Variants in CAMKK1 observed in about 807,000 individuals in gnomAD.
CAMKK1 encodes the protein calcium/calmodulin dependent protein kinase kinase 1.
In CAMKK1, 20 loss-of-function variants were observed where a neutral mutation model predicts 63.5. The observed-to-expected ratio is 0.32, with a 90% CI of 0.22 to 0.46. The LOEUF is 0.46. Among genes scored for constraint, CAMKK1 ranks in the 20% least tolerant of loss-of-function variants. CAMKK1 has a pLI of 1.00. For synonymous variants in CAMKK1, 253 were observed against 269.0 expected (o/e 0.94, Z 0.58); for missense variants, 588 against 658.1 (o/e 0.89, Z 1.17).
At chr17:3,871,333 G>GGTTTTTGTTTTTTGT (rs1567617833) in intron 12 of CAMKK1, among the ~76,000 whole-genome samples, 3 of 111,006 alleles carry the variant, frequency 2.7e-5, no homozygotes, top group African/African-American at 9.6e-5. Flanking sequence ...GTTGTTTTTT[G>GGTTTTTGTTTTTTGT]TTTTTTTTTT....
intron 12 of CAMKK1, among the ~76,000 whole-genome samples, chr17:3,871,926 G>A (rs570078003): frequency 4.6e-5 from 7 of 152,176 alleles, no homozygotes; most frequent in African/African-American, 7.2e-5. Context: ...GATTACAGGC[G>A]TGAGCCACCG....
rs772450544 is a variant in CAMKK1 at position 3,890,842 on chromosome 17, C to G, written c.-44+2097G>C. The G allele has an allele frequency of 6.5e-6, 5 of 766,470 alleles. No individual in the cohort carries two copies. The highest frequency in any genetic ancestry group is 5.3e-5 in the Admixed American group (3 of 57,106). The allele number at this position is 766,470 out of a possible 1,614,324, so 47.5% of individuals were successfully genotyped here. The stretch of plus-strand genomic sequence containing the variant: ...CAGACATCGCCTCTTCTGAGCCCTC[C>G]TTGATCTCCCCACTACCTGCTGGGT... On this transcript the variant is annotated intron_variant, in intron 1 of 15. Transcript: ENST00000348335. The surrounding 1 kb of genome is among the most constrained non-coding windows in gnomAD (Gnocchi z 6.5).
chr17:3,870,509 G>A (rs1351686154), intron 12 of CAMKK1, among the ~76,000 whole-genome samples: 1 of 152,088 alleles, frequency 6.6e-6, no homozygotes, highest in Non-Finnish European at 1.5e-5. Context: ...GGGACTACAG[G>A]TGCCCGCCAC....
intron 9 of CAMKK1, among the ~76,000 whole-genome samples, chr17:3,876,744 G>GTT (rs1180032343): frequency 2.3e-5 from 3 of 127,676 alleles, no homozygotes; most frequent in African/African-American, 6.4e-5. Context: ...AGTTGTTGCT[G>GTT]TTTTTTTTTT....
chr17:3,863,303 C>T (rs1224966830), intron 15 of CAMKK1, among the ~76,000 whole-genome samples: 1 of 151,998 alleles, frequency 6.6e-6, no homozygotes, highest in Non-Finnish European at 1.5e-5. Context: ...TGAGACCAGC[C>T]TGGCCAAAAT....
chr17:3,862,059 G>T lies in CAMKK1; in HGVS notation c.*152C>A. 1.6e-6 allele frequency: 1 copy of T among 634,990 alleles called. No individual in the cohort carries two copies. The highest frequency in any genetic ancestry group is 2.8e-6 in the Non-Finnish European group (1 of 358,096). 39.3% of individuals were successfully genotyped at this position (634,990 alleles called of 1,614,324 possible). ...TTCCAGTCTGTCCCTGGACGTGCGTGCGTGGAGGTCATGCAGCACGATGGG... is the reference window on the plus strand; with the variant it reads ...TTCCAGTCTGTCCCTGGACGTGCGTTCGTGGAGGTCATGCAGCACGATGGG... On this transcript the variant is annotated 3_prime_UTR_variant, in exon 16 of 16. Coordinates refer to ENST00000348335, the MANE Select transcript of CAMKK1 (RefSeq NM_032294.3). The surrounding 1 kb of genome is among the most constrained non-coding windows in gnomAD (Gnocchi z 4.1).
rs199971486 is a variant in CAMKK1, at chr17:3,873,491, C to T, written c.997-29G>A. On this transcript the variant is annotated intron_variant, in intron 10 of 15. Transcript: ENST00000348335. ...GAAAGAAACATGCTCACATCAGTCCCCAACAGGCACAGCCACCTCTGCCCA... is the reference window on the plus strand; with the variant it reads ...GAAAGAAACATGCTCACATCAGTCCTCAACAGGCACAGCCACCTCTGCCCA... The T allele has an allele frequency of 2.5e-6, 4 of 1,613,076 alleles. No individual in the cohort carries two copies. In the African/African-American group the frequency reaches 5.3e-5, roughly 22 times the overall value.
chr17:3,880,155 G>C (rs1163902240), intron 9 of CAMKK1, 191 bp downstream of exon 9: 8 of 598,964 alleles, frequency 1.3e-5, no homozygotes, highest in Non-Finnish European at 2.4e-5. Context: ...ATGCCCAGTG[G>C]AGTCCACCGC....
chr17:3,866,385 G>A (rs867249858), intron 14 of CAMKK1, among the ~76,000 whole-genome samples: 13 of 152,378 alleles, frequency 8.5e-5, no homozygotes, highest in East Asian at 1.9e-4. Context: ...TCCGGCCGCC[G>A]AGAAGATGCC....
chr17:3,874,333 C>T (rs2055043115), intron 10 of CAMKK1, among the ~76,000 whole-genome samples: 2 of 152,188 alleles, frequency 1.3e-5, no homozygotes, highest in South Asian at 4.2e-4. Context: ...AGTACAGTAT[C>T]AGGACAACTG....
At chr17:3,880,550 T>C (rs1597476278) in intron 8 of CAMKK1, 116 bp from the exon 9 acceptor site, 12 of 700,936 alleles carry the variant, frequency 1.7e-5, no homozygotes, top group Non-Finnish European at 3.1e-5. Flanking sequence ...ACTCAAGATA[T>C]TAGCTTTTTC....
chr17:3,883,113 G>C lies in CAMKK1; in HGVS notation c.577C>G (p.Leu193Val). The C allele has an allele frequency of 1.9e-6, 3 of 1,613,552 alleles. No homozygotes were observed. The highest frequency in any genetic ancestry group is 2.5e-6 in the Non-Finnish European group (3 of 1,179,982). Residue 193 changes from leucine to valine, a missense_variant, in exon 6 of 16, where the codon CTG (leucine) becomes GTG (valine). Physicochemically the swap from Leu to Val is conservative, Grantham distance 32. Transcript: ENST00000348335. The surrounding 1 kb of genome is among the most constrained non-coding windows in gnomAD (Gnocchi z 4.7). ...QGGPAKQLLP[L>V]ERVYQEIAIL... ...GCAATCTCCTGGTACACCCGCTCCA[G>C]GGGCAGCAGCTGCTTGGCTGGTCCT...
Position 3,880,388 on chromosome 17 carries a change from C to T in CAMKK1, c.754G>A (p.Ala252Thr). ...ATGACGTCCCGCAGGTAGAGGCGAGCTTGCTCCTCCGAGAAGGGCTTGTCA... is the reference window on the plus strand; with the variant it reads ...ATGACGTCCCGCAGGTAGAGGCGAGTTTGCTCCTCCGAGAAGGGCTTGTCA... ...PCDKPFSEEQ[A>T]RLYLRDVILG... Residue 252 changes from alanine (A) to threonine (T), a missense_variant, in exon 9 of 16, where the codon GCT (alanine) becomes ACT (threonine). Physicochemically the swap from Ala to Thr is moderately conservative, Grantham distance 58. Transcript: ENST00000348335. The T allele has an allele frequency of 6.2e-7, 1 of 1,614,026 alleles. No homozygotes were observed. Among genetic ancestry groups the T allele is most frequent in the African/African-American group, 1.3e-5 (1 of 75,040 alleles).
At chr17:3,876,487 G>T in intron 9 of CAMKK1, 65 bp from the exon 10 acceptor site, 1 of 1,422,558 alleles carries the variant, frequency 7.0e-7, no homozygotes, top group Non-Finnish European at 9.9e-7. Context: ...CCCCACACCC[G>T]TCCTTGCACA....
At chr17:3,877,154 C>A (rs1003321255) in intron 9 of CAMKK1, among the ~76,000 whole-genome samples, 37 of 152,280 alleles carry the variant, frequency 2.4e-4, no homozygotes, top group African/African-American at 8.4e-4. Flanking sequence ...TTCCATCCCC[C>A]ACCCAGGCTA....
At position 3,883,227 on chromosome 17, in the gene CAMKK1, C is replaced by T. The variant is rs547881137; in HGVS notation, c.515-52G>A. On this transcript the variant is annotated intron_variant, in intron 5 of 15. Transcript: ENST00000348335. This position sits in a 1 kb window ranked among gnomAD's most constrained non-coding sequence, Gnocchi z 4.7. ...CCTGTTCCAGGTGGCTGGGCCTCAC[C>T]GTGGCCCCCAAACCAGTCTCAAGCA... is the stretch of plus-strand genomic sequence containing the variant. The T allele has an allele frequency of 3.4e-5, 54 of 1,600,790 alleles. No homozygotes were observed. Among genetic ancestry groups the T allele is most frequent in the East Asian group, 1.3e-4 (6 of 44,790 alleles).
intron 14 of CAMKK1, among the ~76,000 whole-genome samples, chr17:3,867,964 C>G (rs1283276643): frequency 6.9e-6 from 1 of 144,232 alleles, no homozygotes; most frequent in South Asian, 2.2e-4. Context: ...CTAATGGATA[C>G]GCAGGATCTG....
chr17:3,881,115 A>G (rs1416329177), intron 8 of CAMKK1, among the ~76,000 whole-genome samples: 1 of 152,132 alleles, frequency 6.6e-6, no homozygotes, highest in African/African-American at 2.4e-5. Context: ...AATACCCTGA[A>G]AAGCCGCATA....
chr17:3,884,388 TCTCA>T lies in CAMKK1; in HGVS notation c.396_399del (p.Ser132ArgfsTer10). 6.2e-7 allele frequency: 1 copy of T among 1,613,878 alleles called. No individual in the cohort carries two copies. The highest frequency in any genetic ancestry group is 8.5e-7 in the Non-Finnish European group (1 of 1,179,908). On this transcript the variant is annotated frameshift_variant, in exon 3 of 16. Transcript: ENST00000348335. LOFTEE classifies it high-confidence loss of function. The surrounding 1 kb of genome is among the most constrained non-coding windows in gnomAD (Gnocchi z 4.5). ...GGCCTGCCCACTCCTACCTTGCCAATCTCACTCTGCAGCTTGTACTGGTTCAGCT... is the reference window on the plus strand; with the variant it reads ...GGCCTGCCCACTCCTACCTTGCCAATCTCTGCAGCTTGTACTGGTTCAGCT...
Sources: gnomAD v4.1 joint callset for allele counts (sites outside exome capture counted in the v4.1 genomes callset) on GRCh38, gnomAD v4.1.1 for gene constraint, Gnocchi (gnomAD v3.1) non-coding constraint, MANE v1.5 for transcripts, NCBI Gene and HGNC (gene_info 2026-07-23, HGNC 2026-07-21) for gene names.